FHIT: variants seen among roughly 807,000 people sequenced by gnomAD.
FHIT encodes bis(5'-adenosyl)-triphosphatase.
In FHIT, 19 loss-of-function variants were observed where a neutral mutation model predicts 17.9. The ratio of observed to expected loss-of-function variants is 1.06; its 90% CI spans 0.74 to 1.56. FHIT has a LOEUF of 1.56. FHIT is among the 40% of genes most tolerant of loss of function. The probability of loss-of-function intolerance (pLI) is 0.00; values close to 1 mark genes in which losing one functional copy is unlikely to be tolerated. For missense variants in FHIT, 248 were observed against 189.2 expected (o/e 1.31, Z -1.82); for synonymous variants, 81 against 69.7 (o/e 1.16, Z -0.81).
At chr3:60,570,674 G>A (rs1040995213) in intron 4 of FHIT, among the ~76,000 whole-genome samples, 2 of 149,598 alleles carry the variant, frequency 1.3e-5, no homozygotes, top group African/African-American at 4.9e-5. Context: ...TTCAGAAGTT[G>A]GTCACCTTCA....
At chr3:60,505,077 A>AT (rs35278876) in intron 5 of FHIT, among the ~76,000 whole-genome samples, 32,900 of 151,966 alleles carry the variant, frequency 0.22, 4,640 homozygotes, top group African/African-American at 0.39. Context: ...TCAAAGATGT[A>AT]TTTTTTTTCC....
At chr3:60,291,890 G>T (rs533213110) in intron 5 of FHIT, among the ~76,000 whole-genome samples, 1 of 152,226 alleles carries the variant, frequency 6.6e-6, no homozygotes, top group African/African-American at 2.4e-5. Context: ...GCTCGAAGAG[G>T]CAAGGAAGTA....
intron 2 of FHIT, among the ~76,000 whole-genome samples, chr3:61,128,066 T>G (rs575377768): frequency 1.2e-4 from 18 of 152,344 alleles, no homozygotes; most frequent in Admixed American, 9.8e-4. Flanking sequence ...AAGTATTTAT[T>G]GAACACTTTC....
chr3:59,879,633 C>T (rs1212613337), intron 8 of FHIT, among the ~76,000 whole-genome samples: 1 of 152,144 alleles, frequency 6.6e-6, no homozygotes, highest in Non-Finnish European at 1.5e-5. Flanking sequence ...AAACAAAACA[C>T]AAATGACCTA....
At position 60,492,652 on chromosome 3, in the gene FHIT, G is replaced by A. The variant is rs546650595; in HGVS notation, c.103+44208C>T. Among the ~76,000 whole-genome samples, 305 of 151,846 alleles carry A rather than the reference G, an allele frequency of 2.0e-3. 1 individual carries two copies. The highest frequency in any genetic ancestry group is 2.6e-3 in the Non-Finnish European group (177 of 67,956). The stretch of plus-strand genomic sequence containing the variant: ...CTCCCAAGTAATTGAGATTACAGGC[G>A]CCCACCATCATGCCTGGCTAATTTT... On this transcript the variant is annotated intron_variant, in intron 5 of 9. Coordinates refer to ENST00000492590, the MANE Select transcript of FHIT (RefSeq NM_002012.4).
intron 3 of FHIT, among the ~76,000 whole-genome samples, chr3:60,874,687 G>A (rs1188130042): frequency 2.6e-5 from 4 of 152,122 alleles, no homozygotes; most frequent in Non-Finnish European, 5.9e-5. Flanking sequence ...TCTCCCAAGA[G>A]TTGCGATCCT....
chr3:59,755,887 G>A (rs952634241), intron 8 of FHIT, among the ~76,000 whole-genome samples: 3 of 152,050 alleles, frequency 2.0e-5, no homozygotes, highest in Non-Finnish European at 4.4e-5. Flanking sequence ...TCCAAAAATG[G>A]CTCTCCAAGA....
chr3:60,408,963 G>A (rs1297684800), intron 5 of FHIT, among the ~76,000 whole-genome samples: 2 of 152,056 alleles, frequency 1.3e-5, no homozygotes, highest in African/African-American at 2.4e-5. Context: ...CTGTAGCACA[G>A]AGTTTAGGGA....
chr3:60,363,682 A>C (rs917512443), intron 5 of FHIT, among the ~76,000 whole-genome samples: 2 of 151,274 alleles, frequency 1.3e-5, no homozygotes, highest in Non-Finnish European at 2.9e-5. Flanking sequence ...TGTCCCCATC[A>C]CTCCCCACTC....
intron 4 of FHIT, among the ~76,000 whole-genome samples, chr3:60,671,788 A>AC (rs1268476314): frequency 3.3e-5 from 5 of 151,316 alleles, no homozygotes; most frequent in South Asian, 2.1e-4. Flanking sequence ...AAAAAAAAAA[A>AC]AAAACACAAA....
chr3:60,708,566 T>C (rs1456477636), intron 4 of FHIT, among the ~76,000 whole-genome samples: 6 of 152,196 alleles, frequency 3.9e-5, no homozygotes, highest in African/African-American at 7.2e-5. Flanking sequence ...TATCCTGTAA[T>C]TGGCAAACCT....
chr3:60,273,030 G>A (rs1333287013), intron 5 of FHIT, among the ~76,000 whole-genome samples: 1 of 152,166 alleles, frequency 6.6e-6, no homozygotes, highest in Non-Finnish European at 1.5e-5. Flanking sequence ...GTAAACAATG[G>A]ATTAGTAAAA....
At chr3:60,064,476 A>C (rs867823714) in intron 5 of FHIT, among the ~76,000 whole-genome samples, 4 of 152,200 alleles carry the variant, frequency 2.6e-5, no homozygotes, top group African/African-American at 9.7e-5. Flanking sequence ...TGCTACAGAC[A>C]GTACTTCTAG....
intron 8 of FHIT, among the ~76,000 whole-genome samples, chr3:59,869,020 C>T (rs1228037779): frequency 6.6e-6 from 1 of 152,090 alleles, no homozygotes; most frequent in Non-Finnish European, 1.5e-5. Context: ...AAGGGGGATA[C>T]TATGACCAGT....
chr3:61,109,143 G>A (rs1004050118), intron 2 of FHIT, among the ~76,000 whole-genome samples: 1 of 152,038 alleles, frequency 6.6e-6, no homozygotes, highest in Non-Finnish European at 1.5e-5. Flanking sequence ...AGAGGGGAGG[G>A]GCAGAAGGCA....
chr3:60,367,569 T>G (rs573509591), intron 5 of FHIT, among the ~76,000 whole-genome samples: 50 of 152,222 alleles, frequency 3.3e-4, no homozygotes, highest in Non-Finnish European at 5.1e-4. Context: ...TTTGAAACAC[T>G]TGATGCCTTT....
chr3:60,492,271 T>G lies in FHIT; in HGVS notation c.103+44589A>C, dbSNP rs546702924. On this transcript the variant is annotated intron_variant, in intron 5 of 9. Transcript: ENST00000492590. ...AGTAGCTATCTGAAAATACAAACAT[T>G]CAGCATTTAAAATATTGATGTCTTT... 6.6e-5 allele frequency among the ~76,000 whole-genome samples: 10 copies of G among 152,324 alleles called. No homozygotes were observed. In the South Asian group the frequency reaches 1.9e-3, roughly 28 times the overall value.
chr3:59,925,804 AC>A (rs532000285), intron 7 of FHIT, among the ~76,000 whole-genome samples: 1 of 152,192 alleles, frequency 6.6e-6, no homozygotes, highest in Non-Finnish European at 1.5e-5. Flanking sequence ...GATGCTGACA[AC>A]CCACTCAGCT....
At chr3:60,618,687 C>A (rs1207430501) in intron 4 of FHIT, among the ~76,000 whole-genome samples, 5 of 152,106 alleles carry the variant, frequency 3.3e-5, no homozygotes, top group African/African-American at 1.2e-4. Context: ...AAAGATTTTG[C>A]AAATGTGATT....
Sources: allele counts gnomAD v4.1 joint callset (sites outside exome capture counted in the v4.1 genomes callset), GRCh38; gene constraint gnomAD v4.1.1; transcripts MANE v1.5; gene names NCBI Gene and HGNC (gene_info 2026-07-23, HGNC 2026-07-21).